WWOX: variants seen among roughly 807,000 people sequenced by gnomAD.
WWOX encodes the protein WW domain-containing oxidoreductase.
WWOX carries 69 observed loss-of-function variants against 46.2 expected under a neutral mutation model. The observed-to-expected ratio is 1.49, with a 90% CI of 1.23 to 1.82. The LOEUF (loss-of-function observed/expected upper bound fraction) is 1.82. Among genes scored for constraint, WWOX ranks in the 40% most tolerant of loss-of-function variants. The pLI is 0.00. For missense variants in WWOX, 919 were observed against 542.6 expected, an observed-to-expected ratio of 1.69 and a Z score of -6.89; for synonymous variants, 359 against 202.6, an observed-to-expected ratio of 1.77 and a Z score of -6.56.
intron 8 of WWOX, among the ~76,000 whole-genome samples, chr16:78,738,090 T>C (rs549480219): frequency 6.6e-6 from 1 of 152,226 alleles, no homozygotes; most frequent in African/African-American, 2.4e-5. Flanking sequence ...TCCAGAAAGC[T>C]AGAGGTTCTA....
intron 8 of WWOX, among the ~76,000 whole-genome samples, chr16:78,625,106 G>A (rs1407738429): frequency 6.6e-6 from 1 of 152,200 alleles, no homozygotes; most frequent in Non-Finnish European, 1.5e-5. Flanking sequence ...GCTGTCTGAA[G>A]TCTTGGCTGC....
intron 8 of WWOX, among the ~76,000 whole-genome samples, chr16:78,778,625 A>G (rs2050249237): frequency 6.6e-6 from 1 of 152,150 alleles, no homozygotes; most frequent in Admixed American, 6.5e-5. Flanking sequence ...TTTATCTTAC[A>G]GCTTCTCTGC....
intron 8 of WWOX, among the ~76,000 whole-genome samples, chr16:78,445,844 C>A (rs1319288899): frequency 6.7e-6 from 1 of 150,334 alleles, no homozygotes; most frequent in East Asian, 2.0e-4. Flanking sequence ...TGCCACTGTA[C>A]TCCAGCCTGG....
intron 8 of WWOX, among the ~76,000 whole-genome samples, chr16:78,613,612 G>T (rs1165876474): frequency 1.3e-5 from 2 of 152,204 alleles, no homozygotes; most frequent in Non-Finnish European, 2.9e-5. Context: ...CCGGATTCAA[G>T]ATGCAATCAC....
In WWOX at chr16:79,211,731, G is replaced by C. The variant is rs767286260; in HGVS notation, c.1180G>C (p.Ala394Pro). 5 of 1,614,088 alleles carry C rather than the reference G, an allele frequency of 3.1e-6. No homozygotes were observed. The highest frequency in any genetic ancestry group is 4.2e-6 in the Non-Finnish European group (5 of 1,180,038). The change falls in exon 9 of 9, where the codon GCC (alanine) becomes CCC (proline). Residue 394 changes from alanine to proline, a missense_variant. By Grantham distance (27) the Ala-to-Pro change is conservative (BLOSUM62 -1). Coordinates refer to ENST00000566780, the MANE Select transcript of WWOX (RefSeq NM_016373.4). The stretch of plus-strand genomic sequence containing the variant: ...ACCAGAAGCTCAGAGCGAAGAGACG[G>C]CCCGGACCCTGTGGGCGCTCAGCGA... ...PSPEAQSEET[A>P]RTLWALSERL...
At position 78,347,743 on chromosome 16, in the gene WWOX, C is replaced by G. The variant is rs375745668; in HGVS notation, c.517-39117C>G. On this transcript the variant is annotated intron_variant, in intron 5 of 8. Coordinates refer to ENST00000566780, the MANE Select transcript of WWOX (RefSeq NM_016373.4). ...ATATCACTCACTATTCATGAGACTG[C>G]TAAATAGTTGCCCTGGCAATTTCTG... is the stretch of plus-strand genomic sequence containing the variant. Among the ~76,000 whole-genome samples, 13 of 122,470 alleles carry G rather than the reference C, an allele frequency of 1.1e-4. 1 individual carries two copies. In the East Asian group the frequency reaches 1.7e-3, roughly 16 times the overall value. The allele number at this position is 122,470 out of a possible 152,430, so 80.3% of individuals were successfully genotyped here. A position where few individuals can be genotyped will look rare whatever the true frequency, so the allele number is the denominator to read the frequency against.
intron 8 of WWOX, among the ~76,000 whole-genome samples, chr16:79,201,052 A>G (rs570020436): frequency 1.3e-4 from 20 of 152,278 alleles, no homozygotes; most frequent in Middle Eastern, 3.4e-3. Context: ...CAAGAAACAC[A>G]TGAAGGTTAT....
intron 8 of WWOX, among the ~76,000 whole-genome samples, chr16:78,612,796 A>C (rs117536545): frequency 3.3e-5 from 5 of 152,160 alleles, no homozygotes; most frequent in Non-Finnish European, 5.9e-5. Context: ...TTTTTCACCT[A>C]CAAAATGAAG....
At chr16:79,204,793 AAACTT>A (rs1258351834) in intron 8 of WWOX, 3 of 152,096 alleles carry the variant, frequency 2.0e-5, no homozygotes, top group Non-Finnish European at 4.4e-5. Flanking sequence ...TTTTTCTCTA[AAACTT>A]AAGTTTTAGG....
At chr16:78,537,216 CAG>C in intron 8 of WWOX, among the ~76,000 whole-genome samples, 1 of 152,198 alleles carries the variant, frequency 6.6e-6, no homozygotes, top group East Asian at 1.9e-4. Flanking sequence ...CACACCCAGC[CAG>C]AGTCAAGTAT....
chr16:78,906,645 A>T (rs1217593254), intron 8 of WWOX, among the ~76,000 whole-genome samples: 1 of 152,204 alleles, frequency 6.6e-6, no homozygotes, highest in Non-Finnish European at 1.5e-5. Flanking sequence ...AGTGATGATA[A>T]AGGTTACTGT....
At chr16:79,071,856 G>T (rs570783758) in intron 8 of WWOX, among the ~76,000 whole-genome samples, 6 of 152,336 alleles carry the variant, frequency 3.9e-5, no homozygotes, top group Admixed American at 6.5e-5. Context: ...ACAATGGTCA[G>T]CAGTGTTGCA....
rs1329668241 is a variant in WWOX, at chr16:78,728,521, G to A, written c.1056+295769G>A. Reference sequence around the variant, plus strand: ...CATTCAGTCTCTTGTGATATCACATGGCATGTGGCCTCTGAAAAACTCCGC... The same window carrying A: ...CATTCAGTCTCTTGTGATATCACATAGCATGTGGCCTCTGAAAAACTCCGC... On this transcript the variant is annotated intron_variant, in intron 8 of 8. Transcript: ENST00000566780. Among the ~76,000 whole-genome samples the A allele has an allele frequency of 2.6e-5, 4 of 152,164 alleles. No individual in the cohort carries two copies. The East Asian group carries it at 7.7e-4, about 29-fold the overall frequency.
chr16:78,964,121 C>A (rs1411453798), intron 8 of WWOX, among the ~76,000 whole-genome samples: 1 of 152,134 alleles, frequency 6.6e-6, no homozygotes. Context: ...TGGACTAATA[C>A]AGTGAATTGG....
intron 8 of WWOX, among the ~76,000 whole-genome samples, chr16:79,003,406 G>A (rs1009589876): frequency 2.0e-5 from 3 of 152,232 alleles, no homozygotes; most frequent in Middle Eastern, 3.4e-3. Context: ...TCACCGTGAG[G>A]CCTCTTCCGC....
In WWOX at chr16:78,476,929, C is replaced by T. The variant is rs1392884898; in HGVS notation, c.1056+44177C>T. ...CCCTCTCCCCCTTCTCCTTTCCGTC[C>T]TTCCTCCTTCAGTTCCCTCTTTCCT... On this transcript the variant is annotated intron_variant, in intron 8 of 8. Transcript: ENST00000566780. Among the ~76,000 whole-genome samples the T allele has an allele frequency of 1.3e-5, 2 of 151,932 alleles. 1 individual carries two copies. The highest frequency in any genetic ancestry group is 2.9e-5 in the Non-Finnish European group (2 of 67,994).
chr16:79,163,824 G>GAC (rs1567591778), intron 8 of WWOX, among the ~76,000 whole-genome samples: 7 of 133,818 alleles, frequency 5.2e-5, no homozygotes, highest in South Asian at 2.5e-4. Context: ...AAAAGAGAGA[G>GAC]AGAATAAGGT....
chr16:78,566,077 C>G (rs1027019528), intron 8 of WWOX, among the ~76,000 whole-genome samples: 1 of 152,152 alleles, frequency 6.6e-6, no homozygotes, highest in African/African-American at 2.4e-5. Context: ...TCTGTGCCTG[C>G]CTGAGGCTCT....
intron 8 of WWOX, among the ~76,000 whole-genome samples, chr16:78,438,283 A>G (rs1281480913): frequency 6.6e-6 from 1 of 152,186 alleles, no homozygotes; most frequent in African/African-American, 2.4e-5. Context: ...AGCGTGTTCA[A>G]GAAAATGATA....
Sources: allele counts gnomAD v4.1 joint callset (sites outside exome capture counted in the v4.1 genomes callset), GRCh38; gene constraint gnomAD v4.1.1; transcripts MANE v1.5; gene names NCBI Gene and HGNC (gene_info 2026-07-23, HGNC 2026-07-21).